NOXA1: variants seen among roughly 807,000 people sequenced by gnomAD.
NOXA1 encodes the protein NADPH oxidase activator 1.
In NOXA1, 56 loss-of-function variants were observed where a neutral mutation model predicts 64.8. The ratio of observed to expected loss-of-function variants is 0.86; its 90% CI spans 0.70 to 1.08. The LOEUF (loss-of-function observed/expected upper bound fraction) is 1.08. NOXA1 is among the 50% of genes least tolerant of loss of function. NOXA1 has a pLI of 0.00. For synonymous variants in NOXA1, 295 were observed against 294.8 expected (o/e 1.00, Z -0.01); for missense variants, 668 against 658.5 (o/e 1.01, Z -0.16).
chr9:137,429,806 T>TC (rs1372640147), intron 5 of NOXA1, among the ~76,000 whole-genome samples: 7 of 97,546 alleles, frequency 7.2e-5, no homozygotes, highest in Admixed American at 2.9e-4. Context: ...GATAGCGAGG[T>TC]CCCGGGGGGG....
At position 137,433,256 on chromosome 9, in the gene NOXA1, G is replaced by A; in HGVS notation, c.902G>A (p.Gly301Asp). ...PGPGPCEDPA[G>D]AGGAGAGGSE... ...CCCGGCCCCTGTGAGGACCCCGCGG[G>A]TGCTGGGGTAAGAGGCTCTAGACCC... The change falls in exon 10 of 14, where the codon GGT becomes GAT. Residue 301 changes from glycine to aspartate, a missense_variant. Transcript: ENST00000683555. 6.3e-7 allele frequency: 1 copy of A among 1,589,834 alleles called. No individual in the cohort carries two copies. Among genetic ancestry groups the A allele is most frequent in the East Asian group, 2.3e-5 (1 of 44,236 alleles).
intron 2 of NOXA1, among the ~76,000 whole-genome samples, chr9:137,427,619 G>A (rs1838893481): frequency 6.6e-6 from 1 of 152,254 alleles, no homozygotes; most frequent in Non-Finnish European, 1.5e-5. Context: ...CTGGAGGAGA[G>A]GCCTCTCCGG....
intron 2 of NOXA1, among the ~76,000 whole-genome samples, chr9:137,426,831 C>T (rs950504801): frequency 2.6e-5 from 4 of 152,250 alleles, no homozygotes; most frequent in Non-Finnish European, 5.9e-5. Context: ...GAGCCTTGCT[C>T]TGTCATCCAG....
intron 3 of NOXA1, 133 bp from the exon 4 acceptor site, chr9:137,428,749 T>A: frequency 9.3e-6 from 3 of 323,410 alleles, no homozygotes; most frequent in Non-Finnish European, 1.4e-5. Flanking sequence ...GGTGGGGGGA[T>A]GGGGGAGGGG....
intron 5 of NOXA1, among the ~76,000 whole-genome samples, chr9:137,429,942 G>A (rs1296215768): frequency 4.2e-5 from 5 of 120,252 alleles, no homozygotes; most frequent in South Asian, 3.1e-4. Context: ...CCCCGGGGGG[G>A]TGCCTGTGTC....
intron 5 of NOXA1, among the ~76,000 whole-genome samples, chr9:137,429,592 C>T (rs920842538): frequency 2.4e-4 from 37 of 152,296 alleles, no homozygotes; most frequent in Admixed American, 8.5e-4. Context: ...CCACTAGAGC[C>T]GGCTGCATAG....
At position 137,430,775 on chromosome 9, in the gene NOXA1, C is replaced by T; in HGVS notation, c.613-9C>T. The T allele has an allele frequency of 6.3e-7, 1 of 1,592,226 alleles. No homozygotes were observed. The highest frequency in any genetic ancestry group is 2.2e-5 in the East Asian group (1 of 44,712). ...ATCCCTGACCCAGCGTCCCCACTGTCCCCGCCAGGTGGTGGCCTCTGCCAT... is the reference window on the plus strand; with the variant it reads ...ATCCCTGACCCAGCGTCCCCACTGTTCCCGCCAGGTGGTGGCCTCTGCCAT... On this transcript the variant is annotated splice_polypyrimidine_tract_variant and intron_variant, in intron 5 of 13. Coordinates refer to ENST00000683555, the MANE Select transcript of NOXA1 (RefSeq NM_001256067.2).
At position 137,433,282 on chromosome 9, in the gene NOXA1, T is replaced by G. The variant is rs765330377; in HGVS notation, c.909+19T>G. ...TGCTGGGGTAAGAGGCTCTAGACCC[T>G]TCACCTGTCAGTCACCTGAGGGAGG... On this transcript the variant is annotated intron_variant, in intron 10 of 13. Transcript: ENST00000683555. 1.3e-6 allele frequency: 2 copies of G among 1,550,510 alleles called. No individual in the cohort carries two copies. Among genetic ancestry groups the G allele is most frequent in the South Asian group, 2.4e-5 (2 of 84,308 alleles).
chr9:137,433,498 C>A lies in NOXA1; in HGVS notation c.955C>A (p.Gln319Lys). 1.2e-6 allele frequency: 2 copies of A among 1,604,188 alleles called. No individual in the cohort carries two copies. Among genetic ancestry groups the A allele is most frequent in the Non-Finnish European group, 1.7e-6 (2 of 1,178,888 alleles). Reference sequence around the variant, plus strand: ...CGAGCCCCTGGTGACTGTCACCGTGCAGTGCGCCTTCACAGTGGCCCTGAG... The same window carrying A: ...CGAGCCCCTGGTGACTGTCACCGTGAAGTGCGCCTTCACAGTGGCCCTGAG... ...GSEPLVTVTV[Q>K]CAFTVALRAR... The change falls in exon 11 of 14, where the codon CAG becomes AAG. Residue 319 changes from glutamine to lysine, a missense_variant. Physicochemically the swap from Gln to Lys is moderately conservative, Grantham distance 53. Transcript: ENST00000683555.
intron 2 of NOXA1, among the ~76,000 whole-genome samples, chr9:137,427,566 C>T (rs1475124929): frequency 6.6e-6 from 1 of 152,240 alleles, no homozygotes; most frequent in Non-Finnish European, 1.5e-5. Context: ...GATCCAGACC[C>T]CTCTGGGGCA....
chr9:137,433,437 T>C lies in NOXA1; in HGVS notation c.910-16T>C. The C allele has an allele frequency of 6.3e-7, 1 of 1,588,368 alleles. No individual in the cohort carries two copies. The highest frequency in any genetic ancestry group is 2.3e-5 in the East Asian group (1 of 44,340). On this transcript the variant is annotated splice_polypyrimidine_tract_variant and intron_variant, in intron 10 of 13. Transcript: ENST00000683555. ...GGGCCTCAGCGACCACCCCTCCCCC[T>C]CCTGCCTGGACCCAGGGAGCAGGTG...
chr9:137,424,560 C>T (rs1180560980), intron 1 of NOXA1, among the ~76,000 whole-genome samples: 2 of 152,214 alleles, frequency 1.3e-5, no homozygotes, highest in Non-Finnish European at 2.9e-5. Flanking sequence ...CTGCCTCAGC[C>T]TCCCTAGTTG....
chr9:137,434,169 C>T, intron 13 of NOXA1, 55 bp from the exon 14 acceptor site: 2 of 1,581,284 alleles, frequency 1.3e-6, no homozygotes, highest in African/African-American at 1.3e-5. Flanking sequence ...GCAGACGTGG[C>T]ACCCAGAGGC....
intron 8 of NOXA1, 50 bp from the exon 9 acceptor site, chr9:137,432,979 C>T: frequency 1.2e-6 from 2 of 1,601,738 alleles, no homozygotes; most frequent in Non-Finnish European, 8.5e-7. Flanking sequence ...ACAGTACCGG[C>T]CTCCAGCACC....
Position 137,423,557 on chromosome 9 carries a change from G to A in NOXA1, c.28G>A (p.Ala10Thr). The A allele has an allele frequency of 3.5e-6, 5 of 1,448,634 alleles. No homozygotes were observed. The highest frequency in any genetic ancestry group is 1.4e-5 in the South Asian group (1 of 71,570). The allele number at this position is 1,448,634 out of a possible 1,614,324, so 89.7% of individuals were successfully genotyped here. The change falls in exon 1 of 14, where the codon GCC becomes ACC. Residue 10 changes from alanine (A) to threonine (T), a missense_variant. Transcript: ENST00000683555. ...GGCCTCTCTGGGGGACCTGGTGCGCGCCTGGCACCTGGGCGCGCAGGCTGT... is the reference window on the plus strand; with the variant it reads ...GGCCTCTCTGGGGGACCTGGTGCGCACCTGGCACCTGGGCGCGCAGGCTGT... Reference protein sequence around the residue: MASLGDLVRAWHLGAQAVDR... With the variant: MASLGDLVRTWHLGAQAVDR...
rs1382726855 is a variant in NOXA1, at chr9:137,431,928, A to T, written c.804+587A>T. 6.6e-6 allele frequency among the ~76,000 whole-genome samples: 1 copy of T among 152,136 alleles called. No homozygotes were observed. ...AGCGCATCTGAGGATGCGATCAGGA[A>T]GCAGCCCCGGCACTCTCTCTTTATG... On this transcript the variant is annotated intron_variant, in intron 8 of 13. Coordinates refer to ENST00000683555, the MANE Select transcript of NOXA1 (RefSeq NM_001256067.2). The surrounding 1 kb of genome is among the most constrained non-coding windows in gnomAD (Gnocchi z 5.6).
rs376527892 is a variant in NOXA1 at position 137,428,126 on chromosome 9, G to C, written c.354G>C (p.Lys118Asn). ...ACACGCAGCTGGGCCTGCGGTTCAA[G>C]CTGCAAGCCTGGGAGGTGAGGCCGG... Reference protein sequence around the residue: ...IDYTQLGLRFKLQAWEVLHNV... With the variant: ...IDYTQLGLRFNLQAWEVLHNV... Residue 118 changes from lysine to asparagine, a missense_variant, in exon 3 of 14, where the codon AAG becomes AAC. Lys to Asn is a moderately conservative substitution (Grantham distance 94). Transcript: ENST00000683555. 47 of 1,571,460 alleles carry C rather than the reference G, an allele frequency of 3.0e-5. No individual in the cohort carries two copies. Among genetic ancestry groups the C allele is most frequent in the Non-Finnish European group, 2.8e-5 (32 of 1,159,466 alleles).
intron 3 of NOXA1, 34 bp from the exon 4 acceptor site, chr9:137,428,848 C>G (rs755692610): frequency 6.5e-7 from 1 of 1,542,914 alleles, no homozygotes; most frequent in East Asian, 2.4e-5. Flanking sequence ...GGTGGGGCAT[C>G]AGGCCCCTGC....
In NOXA1 at chr9:137,430,834, G is replaced by T; in HGVS notation, c.663G>T (p.Gln221His). ...ACCAGGGCTGGGGCGTCCGCCCTCAGCAGCCACAGGTGGGTTTGCGGCCCC... is the reference window on the plus strand; with the variant it reads ...ACCAGGGCTGGGGCGTCCGCCCTCATCAGCCACAGGTGGGTTTGCGGCCCC... ...PDDQGWGVRP[Q>H]QPQGPGANHD... The change falls in exon 6 of 14, where the codon CAG (glutamine) becomes CAT (histidine). Residue 221 changes from glutamine (Q) to histidine (H), a missense_variant. Transcript: ENST00000683555. The T allele has an allele frequency of 4.4e-6, 7 of 1,587,678 alleles. No homozygotes were observed. In the South Asian group the frequency reaches 5.6e-5, roughly 13 times the overall value.
Sources: gnomAD v4.1 joint callset for allele counts (sites outside exome capture counted in the v4.1 genomes callset) on GRCh38, gnomAD v4.1.1 for gene constraint, Gnocchi (gnomAD v3.1) non-coding constraint, MANE v1.5 for transcripts, NCBI Gene and HGNC (gene_info 2026-07-23, HGNC 2026-07-21) for gene names.